The following GABRB2 variants were observed in gnomAD, a reference collection of about 807,000 sequenced individuals.
The protein encoded by GABRB2 is gamma-aminobutyric acid receptor subunit beta-2.
GABRB2 carries 16 observed loss-of-function variants against 54.7 expected under a neutral mutation model. That is an observed-to-expected ratio of 0.29 (90% CI 0.20 to 0.44). The LOEUF is 0.44. Among genes scored for constraint, GABRB2 ranks in the 20% least tolerant of loss-of-function variants. GABRB2 has a pLI of 1.00. For missense variants in GABRB2, 355 were observed against 644.0 expected (o/e 0.55, Z 4.86); for synonymous variants, 244 against 233.8 (o/e 1.04, Z -0.40).
chr5:161,389,571 A>AAT (rs1554097634), intron 5 of GABRB2, among the ~76,000 whole-genome samples: 1 of 145,834 alleles, frequency 6.9e-6, no homozygotes, highest in Non-Finnish European at 1.5e-5. Flanking sequence ...ATGTTTGTGG[A>AAT]GTGTGTGTGT....
At chr5:161,354,335 C>T (rs1754555620) in intron 5 of GABRB2, among the ~76,000 whole-genome samples, 1 of 152,006 alleles carries the variant, frequency 6.6e-6, no homozygotes, top group Admixed American at 6.6e-5. Flanking sequence ...TTTATATATA[C>T]ATGCATATAT....
chr5:161,326,339 A>T, intron 9 of GABRB2, 29 bp downstream of exon 9: 1 of 1,608,096 alleles, frequency 6.2e-7, no homozygotes, highest in East Asian at 2.2e-5. Flanking sequence ...AGAAATACAA[A>T]TAAATGGATT....
chr5:161,294,327 C>T lies in GABRB2; in HGVS notation c.1293G>A (p.Met431Ile), dbSNP rs762419466. 3 of 1,614,134 alleles carry T rather than the reference C, an allele frequency of 1.9e-6. No homozygotes were observed. The highest frequency in any genetic ancestry group is 2.2e-5 in the East Asian group (1 of 44,880). ...VMGLGDPRST[M>I]LAYDASSIQY... Reference sequence around the variant, plus strand: ...GGATGCTGGAGGCATCATAGGCTAGCATTGTGCTTCTGGGGTCTCCAAGTC... The same window carrying T: ...GGATGCTGGAGGCATCATAGGCTAGTATTGTGCTTCTGGGGTCTCCAAGTC... Residue 431 changes from methionine (M) to isoleucine (I), a missense_variant, in exon 10 of 10, where the codon ATG becomes ATA. By Grantham distance (10) the Met-to-Ile change is conservative. Around this residue, in one of 6 missense-constraint regions of GABRB2, gnomAD observed 201 missense variants for 228.1 expected, o/e 0.88. Transcript: ENST00000393959.
rs1308592448 is a variant in GABRB2 at position 161,292,524 on chromosome 5, C to G, written c.*1557G>C. 1 of 152,110 alleles carries G rather than the reference C, an allele frequency of 6.6e-6. No homozygotes were observed. Among genetic ancestry groups the G allele is most frequent in the African/African-American group, 2.4e-5 (1 of 41,430 alleles). The allele number at this position is 152,110 out of a possible 1,614,324, so 9.4% of individuals were successfully genotyped here. A position where few individuals can be genotyped will look rare whatever the true frequency, so the allele number is the denominator to read the frequency against. ...TGTCCAATTAGTGTAGAAAGAAGCA[C>G]AATGGCATAACTTAAAAATAGAAAA... On this transcript the variant is annotated 3_prime_UTR_variant, in exon 10 of 10. Transcript: ENST00000393959.
intron 3 of GABRB2, among the ~76,000 whole-genome samples, chr5:161,538,090 G>T (rs13177772): frequency 0.016 from 2,409 of 152,042 alleles, 30 homozygotes; most frequent in Non-Finnish European, 0.024. Context: ...TTCTACACTT[G>T]TTGTTCCAAA....
At chr5:161,357,519 C>CAAA (rs11423363) in intron 5 of GABRB2, among the ~76,000 whole-genome samples, 163 of 140,796 alleles carry the variant, frequency 1.2e-3, no homozygotes, top group African/African-American at 3.5e-3. Flanking sequence ...GAGTTTTGAG[C>CAAA]AAAAAAAAAA....
At position 161,313,449 on chromosome 5, in the gene GABRB2, G is replaced by A. The variant is rs566432792; in HGVS notation, c.1191+12919C>T. 5.5e-4 allele frequency among the ~76,000 whole-genome samples: 83 copies of A among 151,002 alleles called. No homozygotes were observed. In the Middle Eastern group the frequency reaches 0.01, roughly 19 times the overall value. On this transcript the variant is annotated intron_variant, in intron 9 of 9. Coordinates refer to ENST00000393959, the MANE Select transcript of GABRB2 (RefSeq NM_001371727.1). ...ACATGCATCTGAAGAAAACACCTCC[G>A]TCCTCTGAAACTCAGCAGCATGTAT...
At chr5:161,369,875 A>G (rs1260003718) in intron 5 of GABRB2, among the ~76,000 whole-genome samples, 1 of 152,174 alleles carries the variant, frequency 6.6e-6, no homozygotes, top group Non-Finnish European at 1.5e-5. Context: ...TTGTGAAGGC[A>G]ATTTTAATGA....
chr5:161,316,022 A>G (rs1388840310), intron 9 of GABRB2, among the ~76,000 whole-genome samples: 1 of 152,226 alleles, frequency 6.6e-6, no homozygotes, highest in East Asian at 1.9e-4. Context: ...TATAAATTGT[A>G]CATTAATTAC....
At chr5:161,401,234 G>A (rs780232389) in intron 5 of GABRB2, among the ~76,000 whole-genome samples, 4 of 152,196 alleles carry the variant, frequency 2.6e-5, no homozygotes, top group Non-Finnish European at 5.9e-5. Flanking sequence ...ACTTGTGAGA[G>A]TGGGAGATAG....
intron 4 of GABRB2, among the ~76,000 whole-genome samples, chr5:161,442,160 A>G (rs1009678824): frequency 3.9e-5 from 6 of 152,198 alleles, no homozygotes; most frequent in Non-Finnish European, 7.3e-5. Context: ...CATTGCCCAT[A>G]ATGTGTTTAC....
At chr5:161,380,518 C>A (rs1282857805) in intron 5 of GABRB2, among the ~76,000 whole-genome samples, 1 of 152,098 alleles carries the variant, frequency 6.6e-6, no homozygotes, top group African/African-American at 2.4e-5. Context: ...TGCCTTGAGG[C>A]ATTGAGAGTT....
chr5:161,339,427 G>A (rs1041497292), intron 5 of GABRB2, among the ~76,000 whole-genome samples: 3 of 152,136 alleles, frequency 2.0e-5, no homozygotes, highest in African/African-American at 4.8e-5. Flanking sequence ...GGTTTAAGAT[G>A]CCCAAGAAAC....
At chr5:161,400,878 G>T (rs1756163343) in intron 5 of GABRB2, among the ~76,000 whole-genome samples, 1 of 152,108 alleles carries the variant, frequency 6.6e-6, no homozygotes, top group African/African-American at 2.4e-5. Context: ...GGGATTGGAA[G>T]CCAGTGGATT....
chr5:161,366,268 A>C (rs1754970749), intron 5 of GABRB2, among the ~76,000 whole-genome samples: 1 of 152,078 alleles, frequency 6.6e-6, no homozygotes, highest in Admixed American at 6.6e-5. Context: ...GGCTAGCTGC[A>C]AGGCAGAATG....
At chr5:161,501,793 A>G (rs1026814800) in intron 3 of GABRB2, among the ~76,000 whole-genome samples, 1 of 151,438 alleles carries the variant, frequency 6.6e-6, no homozygotes, top group African/African-American at 2.4e-5. Flanking sequence ...ACCTAAATAT[A>G]AGTTAAATAA....
At chr5:161,485,745 T>C (rs1343780178) in intron 3 of GABRB2, among the ~76,000 whole-genome samples, 3 of 151,906 alleles carry the variant, frequency 2.0e-5, no homozygotes, top group Admixed American at 2.0e-4. Flanking sequence ...TAGATTGCCA[T>C]GTGATTCAAG....
At chr5:161,327,337 C>A (rs1758397290) in intron 8 of GABRB2, among the ~76,000 whole-genome samples, 1 of 152,152 alleles carries the variant, frequency 6.6e-6, no homozygotes, top group South Asian at 2.1e-4. Flanking sequence ...AATACATAAA[C>A]TAACATGGAA....
At chr5:161,544,147 G>A (rs1760899570) in intron 3 of GABRB2, among the ~76,000 whole-genome samples, 1 of 152,146 alleles carries the variant, frequency 6.6e-6, no homozygotes, top group African/African-American at 2.4e-5. Context: ...TTCAAGTCCT[G>A]AGGGGTGGCT....
Sources: allele counts gnomAD v4.1 joint callset (sites outside exome capture counted in the v4.1 genomes callset), GRCh38; gene constraint gnomAD v4.1.1; regional missense constraint gnomAD v4.1.1; transcripts MANE v1.5; gene names NCBI Gene and HGNC (gene_info 2026-07-23, HGNC 2026-07-21).